REC114: variants seen among roughly 807,000 people sequenced by gnomAD.
REC114 encodes meiotic recombination protein REC114.
REC114 carries 27 observed loss-of-function variants against 31.3 expected under a neutral mutation model. The observed-to-expected ratio is 0.86, with a 90% confidence interval of 0.64 to 1.19. The LOEUF is 1.19. Among genes scored for constraint, REC114 ranks in the 50% most tolerant of loss-of-function variants. The pLI is 0.00. For synonymous variants in REC114, 134 were observed against 127.7 expected, an observed-to-expected ratio of 1.05 and a Z score of -0.33; for missense variants, 344 against 326.9, an observed-to-expected ratio of 1.05 and a Z score of -0.40.
chr15:73,502,026 C>G (rs1893609812), intron 2 of REC114, among the ~76,000 whole-genome samples: 1 of 152,046 alleles, frequency 6.6e-6, no homozygotes, highest in South Asian at 2.1e-4. Flanking sequence ...CACAGTGGCT[C>G]TCGCCTGTAA....
intron 1 of REC114, among the ~76,000 whole-genome samples, chr15:73,463,461 C>T (rs1893016918): frequency 6.6e-6 from 1 of 152,002 alleles, no homozygotes; most frequent in African/African-American, 2.4e-5. Context: ...TAGAGGTTAC[C>T]CGGTGGTTGG....
intron 2 of REC114, among the ~76,000 whole-genome samples, chr15:73,497,511 G>C (rs1893545385): frequency 6.6e-6 from 1 of 152,138 alleles, no homozygotes; most frequent in Admixed American, 6.6e-5. Flanking sequence ...CATGCTATCA[G>C]TTAGAATATC....
At chr15:73,539,282 A>ATTTCT in intron 2 of REC114, among the ~76,000 whole-genome samples, 1 of 70,822 alleles carries the variant, frequency 1.4e-5, no homozygotes, top group East Asian at 4.8e-4. Context: ...TTCAGAACTG[A>ATTTCT]TTTTTTTTTT....
chr15:73,514,758 G>A (rs1036151494), intron 2 of REC114, among the ~76,000 whole-genome samples: 3 of 149,542 alleles, frequency 2.0e-5, no homozygotes. Context: ...CAGAATATAA[G>A]TATACTTTAA....
At chr15:73,476,969 C>A (rs535652911) in intron 2 of REC114, among the ~76,000 whole-genome samples, 2 of 152,330 alleles carry the variant, frequency 1.3e-5, no homozygotes, top group East Asian at 3.9e-4. Context: ...TCCAAAGTTG[C>A]ATTCTCATAA....
chr15:73,518,917 T>TA (rs1893899060), intron 2 of REC114, among the ~76,000 whole-genome samples: 1 of 152,192 alleles, frequency 6.6e-6, no homozygotes, highest in African/African-American at 2.4e-5. Flanking sequence ...CATGTGCTGC[T>TA]ACCGTGGGGC....
At position 73,556,434 on chromosome 15, in the gene REC114, A is replaced by G. The variant is rs558560722; in HGVS notation, c.636+43A>G. On this transcript the variant is annotated intron_variant, in intron 5 of 5. Transcript: ENST00000331090. ...GTTCAATTTTCTTGTCATGAGAAGC[A>G]GTGACCCCTAAGAATTTGTATCCCT... 6.8e-5 allele frequency: 102 copies of G among 1,502,988 alleles called. 2 individuals carry two copies. In the South Asian group the frequency reaches 1.1e-3, roughly 17 times the overall value. 93.1% of individuals were successfully genotyped at this position (1,502,988 alleles called of 1,614,324 possible). A position where few individuals can be genotyped will look rare whatever the true frequency, so the allele number is the denominator to read the frequency against.
At chr15:73,552,601 A>G (rs1054416568) in intron 4 of REC114, among the ~76,000 whole-genome samples, 1 of 152,210 alleles carries the variant, frequency 6.6e-6, no homozygotes, top group Non-Finnish European at 1.5e-5. Flanking sequence ...ACTCATGACT[A>G]TAGAATTTCT....
At chr15:73,540,423 C>A in intron 2 of REC114, 62 bp from the exon 3 acceptor site, 2 of 1,130,368 alleles carry the variant, frequency 1.8e-6, no homozygotes, top group Non-Finnish European at 2.7e-6. Flanking sequence ...GAAGTAGCTG[C>A]AGCCATAGCT....
intron 5 of REC114, 106 bp from the exon 6 acceptor site, chr15:73,559,646 G>GT: frequency 1.0e-6 from 1 of 988,012 alleles, no homozygotes; most frequent in South Asian, 2.4e-5. Flanking sequence ...AATTTTTTTG[G>GT]TGTGTATTTC....
In REC114 at chr15:73,550,945, G is replaced by A; in HGVS notation, c.341G>A (p.Ser114Asn). Residue 114 changes from serine (S) to asparagine (N), a missense_variant, in exon 4 of 6, where the codon AGT (serine) becomes AAT (asparagine). Ser to Asn is a conservative substitution (Grantham distance 46). Coordinates refer to ENST00000331090, the MANE Select transcript of REC114 (RefSeq NM_001042367.2). ...TTTTGATTTGTCAAACAGGACAAGA[G>A]TCGCCTGTTTCGAGTACAGTTCAGT... ...LLFGTTIKDK[S>N]RLFRVQFSGE... 1.2e-6 allele frequency: 2 copies of A among 1,613,804 alleles called. No homozygotes were observed. Among genetic ancestry groups the A allele is most frequent in the Non-Finnish European group, 8.5e-7 (1 of 1,179,782 alleles).
intron 4 of REC114, among the ~76,000 whole-genome samples, chr15:73,551,721 T>C (rs1303025749): frequency 6.6e-6 from 1 of 152,206 alleles, no homozygotes; most frequent in Admixed American, 6.5e-5. Context: ...ACCATCATTA[T>C]GTGAGAGAAC....
At position 73,508,232 on chromosome 15, in the gene REC114, T is replaced by C. The variant is rs1164449773; in HGVS notation, c.250-32253T>C. ...AGTAAATAGATAGTAATCAAAGGCA[T>C]AGAAATTAAAGTAAAATATTTTGGT... On this transcript the variant is annotated intron_variant, in intron 2 of 5. Coordinates refer to ENST00000331090, the MANE Select transcript of REC114 (RefSeq NM_001042367.2). 4.6e-5 allele frequency among the ~76,000 whole-genome samples: 7 copies of C among 152,160 alleles called. No homozygotes were observed. The East Asian group carries it at 9.6e-4, about 21-fold the overall frequency.
intron 2 of REC114, among the ~76,000 whole-genome samples, chr15:73,513,150 ATTC>A (rs1183840974): frequency 2.1e-5 from 3 of 143,636 alleles, no homozygotes; most frequent in African/African-American, 7.8e-5. Context: ...ATTTCTTTTT[ATTC>A]TTTTTTCTCT....
chr15:73,529,545 A>C (rs369225305), intron 2 of REC114, among the ~76,000 whole-genome samples: 11 of 152,286 alleles, frequency 7.2e-5, no homozygotes, highest in East Asian at 3.9e-4. Context: ...TAAGTAAAAT[A>C]AGATTGGCCA....
chr15:73,536,095 C>A (rs1281175914), intron 2 of REC114, among the ~76,000 whole-genome samples: 1 of 151,874 alleles, frequency 6.6e-6, no homozygotes, highest in Non-Finnish European at 1.5e-5. Flanking sequence ...CTAGGCATTA[C>A]CATTCAGGAC....
intron 2 of REC114, among the ~76,000 whole-genome samples, chr15:73,523,554 A>G (rs1234504706): frequency 1.3e-5 from 2 of 152,230 alleles, no homozygotes; most frequent in Non-Finnish European, 2.9e-5. Context: ...TTCATCCACA[A>G]GGACACAAAT....
intron 4 of REC114, 149 bp from the exon 5 acceptor site, chr15:73,556,153 C>A: frequency 1.6e-6 from 1 of 638,336 alleles, no homozygotes; most frequent in Non-Finnish European, 2.6e-6. Context: ...CCGTTTAAAC[C>A]AGGACAGACC....
chr15:73,484,150 T>G (rs977135668), intron 2 of REC114, among the ~76,000 whole-genome samples: 3 of 152,056 alleles, frequency 2.0e-5, no homozygotes, highest in African/African-American at 7.3e-5. Flanking sequence ...CTAGTGAATG[T>G]AGCTTTTAAA....
Sources: allele counts gnomAD v4.1 joint callset (sites outside exome capture counted in the v4.1 genomes callset), GRCh38; gene constraint gnomAD v4.1.1; transcripts MANE v1.5; gene names NCBI Gene and HGNC (gene_info 2026-07-23, HGNC 2026-07-21).